Variants in DMRT1 observed in about 807,000 individuals in gnomAD.
DMRT1 encodes doublesex- and mab-3-related transcription factor 1.
In DMRT1, 7 loss-of-function variants were observed where a neutral mutation model predicts 32.3. The ratio of observed to expected loss-of-function variants is 0.22; its 90% CI spans 0.12 to 0.41. The LOEUF (loss-of-function observed/expected upper bound fraction) is 0.41, where lower values mean the gene tolerates loss of function less well. Ranked by LOEUF, DMRT1 falls within the 10% of genes least tolerant of loss-of-function variation. DMRT1 has a pLI of 1.00. For missense variants in DMRT1, 625 were observed against 500.5 expected, an observed-to-expected ratio of 1.25 and a Z score of -2.37; for synonymous variants, 278 against 206.1, an observed-to-expected ratio of 1.35 and a Z score of -2.99.
In DMRT1 at chr9:863,907, A is replaced by G. The variant is rs184117217; in HGVS notation, c.538+16764A>G. Among the ~76,000 whole-genome samples, 4 of 152,270 alleles carry G rather than the reference A, an allele frequency of 2.6e-5. No homozygotes were observed. In the East Asian group the frequency reaches 7.7e-4, roughly 29 times the overall value. ...TCTATTGATCCCGGCCAACATCAAG[A>G]ATTTCCTTATTTATTGTGGAGATTG... On this transcript the variant is annotated intron_variant, in intron 2 of 4. Coordinates refer to ENST00000382276, the MANE Select transcript of DMRT1 (RefSeq NM_021951.3).
chr9:854,270 T>C (rs1208901964), intron 2 of DMRT1, among the ~76,000 whole-genome samples: 1 of 151,770 alleles, frequency 6.6e-6, no homozygotes, highest in East Asian at 1.9e-4. Flanking sequence ...GTGCGCTACA[T>C]GCCCAGCTAA....
chr9:901,450 C>A (rs563003917), intron 3 of DMRT1, among the ~76,000 whole-genome samples: 1 of 152,070 alleles, frequency 6.6e-6, no homozygotes, highest in Non-Finnish European at 1.5e-5. Context: ...CCTCAGCCTT[C>A]CAAGTAGCTG....
chr9:962,005 A>G (rs1259465040), intron 4 of DMRT1, among the ~76,000 whole-genome samples: 1 of 152,202 alleles, frequency 6.6e-6, no homozygotes, highest in Non-Finnish European at 1.5e-5. Flanking sequence ...AGAGCAGAGG[A>G]GAGCAAAGAG....
At chr9:967,428 T>A (rs1407609164) in intron 4 of DMRT1, among the ~76,000 whole-genome samples, 2 of 152,250 alleles carry the variant, frequency 1.3e-5, no homozygotes, top group Non-Finnish European at 2.9e-5. Flanking sequence ...ATTTACTGTC[T>A]TTTACTTTTT....
At chr9:863,142 GTCTCT>G in intron 2 of DMRT1, among the ~76,000 whole-genome samples, 1 of 65,094 alleles carries the variant, frequency 1.5e-5, no homozygotes. Flanking sequence ...GCGAGATCAG[GTCTCT>G]ACAAAAAAAA....
chr9:911,066 AC>A (rs1315520504), intron 3 of DMRT1, among the ~76,000 whole-genome samples: 3 of 152,178 alleles, frequency 2.0e-5, no homozygotes, highest in Non-Finnish European at 2.9e-5. Context: ...GGGACTGAGC[AC>A]AGGGGTGGTG....
chr9:910,122 A>G (rs1211596434), intron 3 of DMRT1, among the ~76,000 whole-genome samples: 1 of 152,146 alleles, frequency 6.6e-6, no homozygotes, highest in African/African-American at 2.4e-5. Flanking sequence ...AGCATTACTT[A>G]GAGCCTCCAG....
chr9:939,542 C>G (rs898147057), intron 4 of DMRT1, among the ~76,000 whole-genome samples: 1 of 152,188 alleles, frequency 6.6e-6, no homozygotes, highest in Admixed American at 6.5e-5. Flanking sequence ...GTTGTATATT[C>G]TTTCTCTCGT....
chr9:895,139 A>C (rs1256183152), intron 3 of DMRT1, among the ~76,000 whole-genome samples: 3 of 152,276 alleles, frequency 2.0e-5, no homozygotes, highest in East Asian at 3.9e-4. Context: ...TTAAAATAGC[A>C]TGCAATCAAG....
intron 4 of DMRT1, among the ~76,000 whole-genome samples, chr9:938,547 T>C (rs1387021907): frequency 1.3e-5 from 2 of 152,226 alleles, no homozygotes; most frequent in African/African-American, 4.8e-5. Context: ...TAGAATTTCT[T>C]AATATTTTGT....
intron 2 of DMRT1, among the ~76,000 whole-genome samples, chr9:865,535 G>C (rs1315775425): frequency 6.6e-6 from 1 of 152,002 alleles, no homozygotes; most frequent in Admixed American, 6.6e-5. Context: ...ACAAGTCATA[G>C]AGCTCACATT....
chr9:918,136 T>G (rs1288921314), intron 4 of DMRT1, among the ~76,000 whole-genome samples: 1 of 152,256 alleles, frequency 6.6e-6, no homozygotes, highest in Non-Finnish European at 1.5e-5. Flanking sequence ...ATTTGTTGGT[T>G]GAGTGAATGA....
chr9:880,726 A>AG, intron 2 of DMRT1, among the ~76,000 whole-genome samples: 1 of 121,568 alleles, frequency 8.2e-6, no homozygotes. Flanking sequence ...CTCAGTCTCA[A>AG]AAAAAAAAAA....
chr9:896,421 G>C (rs1024184345), intron 3 of DMRT1, among the ~76,000 whole-genome samples: 8 of 151,284 alleles, frequency 5.3e-5, no homozygotes, highest in African/African-American at 1.7e-4. Context: ...TGGGATTATA[G>C]GCACGCACCA....
intron 2 of DMRT1, among the ~76,000 whole-genome samples, chr9:864,125 ATTC>A (rs1187397769): frequency 6.6e-6 from 1 of 152,150 alleles, no homozygotes; most frequent in Non-Finnish European, 1.5e-5. Context: ...TTGGTAGGCC[ATTC>A]TTCAGTCCAA....
At chr9:842,399 TA>T (rs1449394030) in intron 1 of DMRT1, 1 of 651,378 alleles carries the variant, frequency 1.5e-6, no homozygotes, top group Non-Finnish European at 2.6e-6. Context: ...CATGCCCGGC[TA>T]ATTTTTGTAT....
intron 2 of DMRT1, among the ~76,000 whole-genome samples, chr9:890,277 C>T (rs1009054340): frequency 1.3e-5 from 2 of 152,006 alleles, no homozygotes; most frequent in African/African-American, 4.8e-5. Flanking sequence ...GAGAAAGGCC[C>T]AGTGGGGAAG....
intron 2 of DMRT1, among the ~76,000 whole-genome samples, chr9:870,729 T>TTTTTTTTTA (rs1589477423): frequency 1.4e-5 from 2 of 140,492 alleles, no homozygotes; most frequent in South Asian, 2.3e-4. Context: ...TTTTTTTTTT[T>TTTTTTTTTA]GAGACAGGGT....
intron 4 of DMRT1, among the ~76,000 whole-genome samples, chr9:929,176 G>C (rs1041828438): frequency 2.0e-5 from 3 of 152,118 alleles, no homozygotes; most frequent in Non-Finnish European, 4.4e-5. Flanking sequence ...TGCTAAATCT[G>C]ACAACCTTGT....
Sources: gnomAD v4.1 joint callset for allele counts (sites outside exome capture counted in the v4.1 genomes callset) on GRCh38, gnomAD v4.1.1 for gene constraint, MANE v1.5 for transcripts, NCBI Gene and HGNC (gene_info 2026-07-23, HGNC 2026-07-21) for gene names.